Variants in HNRNPC observed in about 807,000 individuals in gnomAD.
HNRNPC encodes the protein heterogeneous nuclear ribonucleoproteins C1/C2.
Under a neutral mutation model 33.2 loss-of-function variants are expected in HNRNPC, and 3 were observed. That is an observed-to-expected ratio of 0.09 (90% CI 0.04 to 0.23). HNRNPC has a LOEUF of 0.23. Among genes scored for constraint, HNRNPC ranks in the 10% least tolerant of loss-of-function variants. The pLI is 1.00. For missense variants in HNRNPC, 143 were observed against 366.7 expected (o/e 0.39, Z 4.98); for synonymous variants, 121 against 126.7 (o/e 0.96, Z 0.30).
intron 5 of HNRNPC, among the ~76,000 whole-genome samples, chr14:21,223,148 C>CT (rs1893029666): frequency 1.3e-5 from 2 of 151,720 alleles, no homozygotes; most frequent in African/African-American, 2.4e-5. Context: ...AGAGGTTGCA[C>CT]TGAGCCAAGA....
At position 21,243,072 on chromosome 14, in the gene HNRNPC, C is replaced by T. The variant is rs550496063; in HGVS notation, c.-36-8843G>A. On this transcript the variant is annotated intron_variant, in intron 2 of 8. Transcript: ENST00000553300. ...CCCTAGAAGTGGAGGCTGCAATGAG[C>T]GGAGATCAAGCCACCTCACTGTCTC... 3.3e-5 allele frequency among the ~76,000 whole-genome samples: 5 copies of T among 152,090 alleles called. No individual in the cohort carries two copies. In the South Asian group the frequency reaches 1.0e-3, roughly 32 times the overall value.
chr14:21,269,243 C>T (rs1566656875), intron 1 of HNRNPC, 55 bp downstream of exon 1: 1 of 152,194 alleles, frequency 6.6e-6, no homozygotes, highest in East Asian at 1.9e-4. Flanking sequence ...TCCCACACCC[C>T]CTCTCGCTTC....
chr14:21,226,188 G>A (rs1351335928), intron 5 of HNRNPC, among the ~76,000 whole-genome samples: 2 of 151,750 alleles, frequency 1.3e-5, no homozygotes, highest in African/African-American at 4.9e-5. Flanking sequence ...TGGGTGTGGT[G>A]GTGTGCACCT....
Position 21,211,818 on chromosome 14 carries a change from T to C in HNRNPC, c.629A>G (p.Lys210Arg), listed in dbSNP as rs766380014. ...NLEKIEKEQS[K>R]QAVEMKNDKS... ...GCAGAAAACCCATTTACCTGCTTGT[T>C]TGCTCTGTTCCTTTTCAATTTTTTC... Residue 210 changes from lysine to arginine, a missense_variant, in exon 7 of 9, where the codon AAA becomes AGA. This residue lies in a region of HNRNPC where 131 missense variants were observed against 253.0 expected (regional missense o/e 0.52). Coordinates refer to ENST00000553300, the MANE Select transcript of HNRNPC (RefSeq NM_004500.4). 6.2e-7 allele frequency: 1 copy of C among 1,612,020 alleles called. No individual in the cohort carries two copies. Among genetic ancestry groups the C allele is most frequent in the Non-Finnish European group, 8.5e-7 (1 of 1,179,524 alleles).
intron 1 of HNRNPC, chr14:21,268,659 G>A (rs1879420744): frequency 6.6e-6 from 1 of 152,110 alleles, no homozygotes; most frequent in Non-Finnish European, 1.5e-5. Flanking sequence ...TATTTCAAGT[G>A]TTTTGTAACC....
intron 2 of HNRNPC, among the ~76,000 whole-genome samples, chr14:21,249,779 T>TA (rs1271069406): frequency 6.6e-6 from 1 of 152,062 alleles, no homozygotes; most frequent in Non-Finnish European, 1.5e-5. Context: ...TGTTACGACA[T>TA]AAAAGTCCAT....
Position 21,235,309 on chromosome 14 carries a change from TTTG to T in HNRNPC, c.-36-1083_-36-1081del, listed in dbSNP as rs150831362. On this transcript the variant is annotated intron_variant, in intron 2 of 8. Transcript: ENST00000553300. ...TGATAAATCTCAAAAGATTCCAGTATTTGTTATCCTTCCAATCCTCAAGTGAAT... is the reference window on the plus strand; with the variant it reads ...TGATAAATCTCAAAAGATTCCAGTATTTATCCTTCCAATCCTCAAGTGAAT... Among the ~76,000 whole-genome samples, 1,211 of 152,292 alleles carry T rather than the reference TTTG, an allele frequency of 8.0e-3. 20 individuals carry two copies. The highest frequency in any genetic ancestry group is 0.028 in the African/African-American group (1,155 of 41,546).
intron 2 of HNRNPC, among the ~76,000 whole-genome samples, chr14:21,235,175 A>T (rs528797560): frequency 1.3e-5 from 2 of 152,144 alleles, no homozygotes; most frequent in African/African-American, 4.8e-5. Flanking sequence ...GTTTTATTTC[A>T]TTCTTTTAGC....
intron 5 of HNRNPC, among the ~76,000 whole-genome samples, chr14:21,224,485 G>A (rs1025039907): frequency 2.0e-5 from 3 of 152,000 alleles, no homozygotes; most frequent in East Asian, 1.9e-4. Flanking sequence ...ATCTAGTCAC[G>A]AAGACAAAAT....
At chr14:21,235,370 A>G (rs958351998) in intron 2 of HNRNPC, among the ~76,000 whole-genome samples, 1 of 152,170 alleles carries the variant, frequency 6.6e-6, no homozygotes, top group Admixed American at 6.5e-5. Context: ...ATGATGTAAA[A>G]AAGTCTAATG....
intron 5 of HNRNPC, among the ~76,000 whole-genome samples, chr14:21,215,315 T>C (rs921827236): frequency 6.6e-6 from 1 of 152,168 alleles, no homozygotes; most frequent in African/African-American, 2.4e-5. Context: ...TGACAACCTT[T>C]AAGTTAAAAG....
At chr14:21,215,894 G>A (rs534066786) in intron 5 of HNRNPC, among the ~76,000 whole-genome samples, 38 of 110,000 alleles carry the variant, frequency 3.5e-4, no homozygotes, top group African/African-American at 1.6e-3. Flanking sequence ...GCAAGACTCC[G>A]TCTTAAAAAA....
At position 21,210,991 on chromosome 14, in the gene HNRNPC, A is replaced by G; in HGVS notation, c.*232T>C. On this transcript the variant is annotated 3_prime_UTR_variant, in exon 9 of 9. Coordinates refer to ENST00000553300, the MANE Select transcript of HNRNPC (RefSeq NM_004500.4). ...GTCATAAAGAGGTATCAAAATTAAA[A>G]GCAAAAATTACAGGGTAAGACTTAA... The G allele has an allele frequency of 1.8e-6, 1 of 549,802 alleles. No individual in the cohort carries two copies. The highest frequency in any genetic ancestry group is 3.2e-6 in the Non-Finnish European group (1 of 308,986). The allele number at this position is 549,802 out of a possible 1,614,324, so 34.1% of individuals were successfully genotyped here. A position where few individuals can be genotyped will look rare whatever the true frequency, so the allele number is the denominator to read the frequency against.
At chr14:21,218,619 T>C (rs528498888) in intron 5 of HNRNPC, among the ~76,000 whole-genome samples, 1 of 128,164 alleles carries the variant, frequency 7.8e-6, no homozygotes, top group Non-Finnish European at 1.6e-5. Flanking sequence ...GAAGCAGAGG[T>C]TACAGTAAGC....
At chr14:21,255,650 ATAC>A (rs1877051453) in intron 2 of HNRNPC, among the ~76,000 whole-genome samples, 1 of 152,144 alleles carries the variant, frequency 6.6e-6, no homozygotes, top group African/African-American at 2.4e-5. Context: ...TAGAAGGAAA[ATAC>A]TACCACATTG....
intron 2 of HNRNPC, among the ~76,000 whole-genome samples, chr14:21,251,394 T>C (rs1195318619): frequency 6.6e-6 from 1 of 151,984 alleles, no homozygotes; most frequent in Non-Finnish European, 1.5e-5. Flanking sequence ...CTACAATGCT[T>C]GCAGCCAGGT....
At chr14:21,240,378 T>C (rs1895204908) in intron 2 of HNRNPC, among the ~76,000 whole-genome samples, 1 of 152,244 alleles carries the variant, frequency 6.6e-6, no homozygotes, top group Non-Finnish European at 1.5e-5. Flanking sequence ...AATCTTGGAT[T>C]GTCAATCTAG....
chr14:21,243,416 G>A (rs1053402429), intron 2 of HNRNPC, among the ~76,000 whole-genome samples: 2 of 152,064 alleles, frequency 1.3e-5, no homozygotes, highest in Non-Finnish European at 2.9e-5. Flanking sequence ...CACAGGAATG[G>A]TTTATTCTAT....
chr14:21,211,677 A>T (rs1891621800), intron 7 of HNRNPC, 111 bp from the exon 8 acceptor site: 1 of 1,409,426 alleles, frequency 7.1e-7, no homozygotes, highest in South Asian at 1.3e-5. Flanking sequence ...TCCCACACAA[A>T]TACCCTTCCC....
Sources: gnomAD v4.1 joint callset for allele counts (sites outside exome capture counted in the v4.1 genomes callset) on GRCh38, gnomAD v4.1.1 for gene constraint, gnomAD v4.1.1 regional missense constraint, MANE v1.5 for transcripts, NCBI Gene and HGNC (gene_info 2026-07-23, HGNC 2026-07-21) for gene names.